EYS: variants seen among roughly 807,000 people sequenced by gnomAD.
EYS encodes the protein EGF-like photoreceptor maintenance factor, also known as protein eyes shut homolog.
In EYS, 250 loss-of-function variants were observed where a neutral mutation model predicts 282.1. The ratio of observed to expected loss-of-function variants is 0.89; its 90% CI spans 0.80 to 0.98. The LOEUF (loss-of-function observed/expected upper bound fraction) is 0.98, where lower values mean the gene tolerates loss of function less well. EYS is among the 50% of genes least tolerant of loss of function. The pLI is 0.00. For synonymous variants in EYS, 1,355 were observed against 1,282.9 expected (o/e 1.06, Z -1.20); for missense variants, 4,016 against 3,709.0 (o/e 1.08, Z -2.15).
At chr6:65,397,362 C>A (rs935109256) in intron 7 of EYS, among the ~76,000 whole-genome samples, 1 of 151,928 alleles carries the variant, frequency 6.6e-6, no homozygotes, top group Non-Finnish European at 1.5e-5. Context: ...TTCATTCTTA[C>A]ACCCTCTCCC....
chr6:65,516,687 T>C (rs1562235719), intron 2 of EYS, among the ~76,000 whole-genome samples: 1 of 152,076 alleles, frequency 6.6e-6, no homozygotes, highest in Non-Finnish European at 1.5e-5. Context: ...TCTTCGAAAT[T>C]AGTACAAATA....
Position 65,544,028 on chromosome 6 carries a change from G to A in EYS, c.-332-48035C>T, listed in dbSNP as rs1009312161. On this transcript the variant is annotated intron_variant, in intron 2 of 42. Transcript: ENST00000503581. ...TGTGTGTGTGTGTGTGTGTGTGTGT[G>A]TGAGAGAGAGAGAGACAAAGACAGA... is the stretch of plus-strand genomic sequence containing the variant. 2.0e-3 allele frequency among the ~76,000 whole-genome samples: 208 copies of A among 102,938 alleles called. 2 individuals carry two copies. Among genetic ancestry groups the A allele is most frequent in the African/African-American group, 9.7e-3 (189 of 19,532 alleles). 67.5% of individuals were successfully genotyped at this position (102,938 alleles called of 152,430 possible).
At chr6:65,364,785 C>T (rs141928621) in intron 8 of EYS, among the ~76,000 whole-genome samples, 11 of 151,776 alleles carry the variant, frequency 7.2e-5, no homozygotes, top group African/African-American at 2.7e-4. Flanking sequence ...AAAACAAGTA[C>T]TTGGCCAATT....
intron 8 of EYS, among the ~76,000 whole-genome samples, chr6:65,368,454 G>A (rs1765005599): frequency 6.6e-6 from 1 of 151,542 alleles, no homozygotes; most frequent in South Asian, 2.1e-4. Context: ...GAAAGAACAA[G>A]CCAAAAGGGC....
intron 26 of EYS, among the ~76,000 whole-genome samples, chr6:64,545,518 C>A (rs918337158): frequency 6.6e-6 from 1 of 152,214 alleles, no homozygotes; most frequent in South Asian, 2.1e-4. Flanking sequence ...AAGTTCTGGC[C>A]AGGGCAATCA....
chr6:65,331,027 T>A (rs948538281), intron 11 of EYS: 22 of 984,296 alleles, frequency 2.2e-5, no homozygotes, highest in African/African-American at 1.7e-4. Context: ...CATTATTATT[T>A]TTTTTCCTTT....
chr6:63,973,330 G>A (rs1202451872), intron 35 of EYS, among the ~76,000 whole-genome samples: 1 of 151,910 alleles, frequency 6.6e-6, no homozygotes, highest in Non-Finnish European at 1.5e-5. Context: ...TTTTTCATAT[G>A]TTTGTTGGTC....
intron 36 of EYS, among the ~76,000 whole-genome samples, chr6:63,816,194 G>C (rs1287726568): frequency 6.6e-6 from 1 of 152,076 alleles, no homozygotes; most frequent in East Asian, 1.9e-4. Flanking sequence ...AACATATATT[G>C]AGTACTATTT....
intron 23 of EYS, among the ~76,000 whole-genome samples, chr6:64,623,695 G>A (rs1168486607): frequency 1.3e-5 from 2 of 152,060 alleles, no homozygotes; most frequent in Non-Finnish European, 2.9e-5. Flanking sequence ...TTCCTTTTGG[G>A]GGTAAAGAGT....
chr6:64,055,580 A>C (rs1158735873), intron 33 of EYS, among the ~76,000 whole-genome samples: 3 of 152,076 alleles, frequency 2.0e-5, no homozygotes, highest in Non-Finnish European at 4.4e-5. Flanking sequence ...CTTTTGTTCT[A>C]TACCCAGGTA....
intron 12 of EYS, among the ~76,000 whole-genome samples, chr6:65,266,875 T>C (rs1767766697): frequency 7.3e-6 from 1 of 136,664 alleles, no homozygotes; most frequent in South Asian, 2.4e-4. Flanking sequence ...AATACACATC[T>C]TAATGTGTGT....
intron 36 of EYS, among the ~76,000 whole-genome samples, chr6:63,831,743 C>T (rs1316785595): frequency 6.6e-6 from 1 of 152,142 alleles, no homozygotes; most frequent in Non-Finnish European, 1.5e-5. Flanking sequence ...AACTCTCCAC[C>T]CCAAATCAAC....
At position 64,902,441 on chromosome 6, in the gene EYS, C is replaced by T; in HGVS notation, c.2701G>A (p.Asp901Asn). 3 of 1,533,194 alleles carry T rather than the reference C, an allele frequency of 2.0e-6. No individual in the cohort carries two copies. Among genetic ancestry groups the T allele is most frequent in the Non-Finnish European group, 2.6e-6 (3 of 1,142,428 alleles). 95.0% of individuals were successfully genotyped at this position (1,533,194 alleles called of 1,614,324 possible). ...VKDCLFLSCQDYGDCEDMVNN... is the reference protein window; with the variant it reads ...VKDCLFLSCQNYGDCEDMVNN... ...ACCATATCTTCACAGTCACCATAAT[C>T]CTGGCAGGAAAGGAAGAGGCAGTCT... is the stretch of plus-strand genomic sequence containing the variant. Residue 901 changes from aspartate (D) to asparagine (N), a missense_variant, in exon 17 of 43, where the codon GAT (aspartate) becomes AAT (asparagine). Asp to Asn is a conservative substitution (Grantham distance 23). Coordinates refer to ENST00000503581, the MANE Select transcript of EYS (RefSeq NM_001142800.2).
At chr6:63,833,788 C>T (rs1001081195) in intron 36 of EYS, among the ~76,000 whole-genome samples, 8 of 152,168 alleles carry the variant, frequency 5.3e-5, no homozygotes, top group African/African-American at 1.9e-4. Context: ...CTGGAAGCAT[C>T]ACGCTACAGG....
chr6:65,267,621 G>T (rs535683605), intron 12 of EYS, among the ~76,000 whole-genome samples: 1 of 151,920 alleles, frequency 6.6e-6, no homozygotes, highest in African/African-American at 2.4e-5. Context: ...CTGTCCTTAG[G>T]TTTAGGGGAT....
At chr6:65,690,630 G>C (rs1014808043) in intron 1 of EYS, among the ~76,000 whole-genome samples, 2 of 149,792 alleles carry the variant, frequency 1.3e-5, no homozygotes, top group African/African-American at 4.9e-5. Context: ...CAATAATCAG[G>C]AGCATTTCAT....
chr6:64,565,539 C>A (rs1232682225), intron 26 of EYS, among the ~76,000 whole-genome samples: 4 of 151,922 alleles, frequency 2.6e-5, no homozygotes, highest in Admixed American at 6.6e-5. Flanking sequence ...ATTTCACTTA[C>A]ATGTATAGTA....
intron 26 of EYS, among the ~76,000 whole-genome samples, chr6:64,512,571 T>C (rs1019218025): frequency 6.6e-6 from 1 of 151,540 alleles, no homozygotes; most frequent in Non-Finnish European, 1.5e-5. Flanking sequence ...AAATCAGCCT[T>C]GGGAAAGAGA....
At chr6:64,712,297 G>T (rs545854230) in intron 22 of EYS, among the ~76,000 whole-genome samples, 1 of 152,324 alleles carries the variant, frequency 6.6e-6, no homozygotes, top group Admixed American at 6.5e-5. Flanking sequence ...GGCACAAAAG[G>T]TAGGTGGAGT....
Sources: gnomAD v4.1 joint callset for allele counts (sites outside exome capture counted in the v4.1 genomes callset) on GRCh38, gnomAD v4.1.1 for gene constraint, MANE v1.5 for transcripts, NCBI Gene and HGNC (gene_info 2026-07-23, HGNC 2026-07-21) for gene names.